RCSD1: variants seen among roughly 807,000 people sequenced by gnomAD.
RCSD1 encodes RCSD domain containing 1.
In RCSD1, 26 loss-of-function variants were observed where a neutral mutation model predicts 42.5. The ratio of observed to expected loss-of-function variants is 0.61; its 90% CI spans 0.45 to 0.85. The LOEUF (loss-of-function observed/expected upper bound fraction) is 0.85, where lower values mean the gene tolerates loss of function less well. Ranked by LOEUF, RCSD1 falls within the 40% of genes least tolerant of loss-of-function variation. The probability of loss-of-function intolerance (pLI) is 0.00; values close to 1 mark genes in which losing one functional copy is unlikely to be tolerated. For missense variants in RCSD1, 571 were observed against 528.3 expected (o/e 1.08, Z -0.79); for synonymous variants, 220 against 212.2 (o/e 1.04, Z -0.32).
rs374085828 is a variant in RCSD1, at chr1:167,685,427, G to T, written c.115G>T (p.Ala39Ser). 1 of 1,613,366 alleles carries T rather than the reference G, an allele frequency of 6.2e-7. No homozygotes were observed. The highest frequency in any genetic ancestry group is 1.7e-5 in the Admixed American group (1 of 59,932). ...TCTGTCGCCCTCCCTCCAGACACCA[G>T]CCAGTAAACCAACCCGAAGGAAACC... ...EQAAAAKETPASKPTRRKPPC... is the reference protein window; with the variant it reads ...EQAAAAKETPSSKPTRRKPPC... The change falls in exon 3 of 7, where the codon GCC (alanine) becomes TCC (serine). Residue 39 changes from alanine to serine, a missense_variant. By Grantham distance (99) the Ala-to-Ser change is moderately conservative. Coordinates refer to ENST00000367854, the MANE Select transcript of RCSD1 (RefSeq NM_052862.4).
rs1659737642 is a variant in RCSD1, at chr1:167,705,530, C to T, written c.*834C>T. On this transcript the variant is annotated 3_prime_UTR_variant, in exon 7 of 7. Coordinates refer to ENST00000367854, the MANE Select transcript of RCSD1 (RefSeq NM_052862.4). ...TCCTCCTGAAAGAAAAGCAGTGATA[C>T]CTGAATAATGCTGGCTCTCCGATTG... is the stretch of plus-strand genomic sequence containing the variant. The T allele has an allele frequency of 6.6e-6, 1 of 152,176 alleles. No individual in the cohort carries two copies. The highest frequency in any genetic ancestry group is 1.5e-5 in the Non-Finnish European group (1 of 68,034). 9.4% of individuals were successfully genotyped at this position (152,176 alleles called of 1,614,324 possible).
intron 1 of RCSD1, among the ~76,000 whole-genome samples, chr1:167,645,973 C>T (rs1202032989): frequency 6.6e-6 from 1 of 152,032 alleles, no homozygotes; most frequent in Non-Finnish European, 1.5e-5. Flanking sequence ...GCCGAAATAC[C>T]AGTTGAGAGG....
chr1:167,657,348 C>T (rs552812110), intron 1 of RCSD1, among the ~76,000 whole-genome samples: 29 of 152,266 alleles, frequency 1.9e-4, no homozygotes, highest in African/African-American at 7.0e-4. Context: ...TTCTTTTGTC[C>T]TGTGATTTGG....
intron 1 of RCSD1, among the ~76,000 whole-genome samples, chr1:167,647,767 AC>A (rs1658198279): frequency 6.6e-6 from 1 of 152,102 alleles, no homozygotes; most frequent in Non-Finnish European, 1.5e-5. Context: ...CGATAAGACC[AC>A]AACCAATAAA....
chr1:167,661,406 A>G (rs1002233021), intron 1 of RCSD1, among the ~76,000 whole-genome samples: 6 of 152,222 alleles, frequency 3.9e-5, no homozygotes, highest in African/African-American at 1.4e-4. Flanking sequence ...CTGATCGCAG[A>G]CAGACAAGCA....
intron 1 of RCSD1, among the ~76,000 whole-genome samples, chr1:167,660,580 G>GCCTCTTGAATA (rs1030498973): frequency 1.3e-5 from 2 of 151,872 alleles, no homozygotes; most frequent in African/African-American, 2.4e-5. Context: ...TCCCACCTCA[G>GCCTCTTGAATA]CCTCTTGAAT....
At chr1:167,656,750 G>A (rs141140427) in intron 1 of RCSD1, among the ~76,000 whole-genome samples, 1 of 152,324 alleles carries the variant, frequency 6.6e-6, no homozygotes, top group East Asian at 1.9e-4. Flanking sequence ...CTAAATGATG[G>A]GAGAGGGAGG....
At chr1:167,660,389 TAAC>T (rs1457337535) in intron 1 of RCSD1, among the ~76,000 whole-genome samples, 2 of 152,104 alleles carry the variant, frequency 1.3e-5, no homozygotes, top group African/African-American at 4.8e-5. Flanking sequence ...CAGCCACACT[TAAC>T]AACCTGTGCT....
chr1:167,664,464 A>T (rs1454605951), intron 1 of RCSD1: 2 of 152,288 alleles, frequency 1.3e-5, no homozygotes, highest in Non-Finnish European at 2.9e-5. Context: ...AACTATCATG[A>T]GCACTTTAAA....
At chr1:167,674,318 G>C (rs1479517388) in intron 1 of RCSD1, among the ~76,000 whole-genome samples, 4 of 152,224 alleles carry the variant, frequency 2.6e-5, no homozygotes, top group Non-Finnish European at 5.9e-5. Context: ...TGGAGGCAGG[G>C]AAGGGCTGAG....
At chr1:167,699,980 A>G (rs1156299468) in intron 6 of RCSD1, among the ~76,000 whole-genome samples, 1 of 152,220 alleles carries the variant, frequency 6.6e-6, no homozygotes, top group East Asian at 1.9e-4. Flanking sequence ...TACTTTTATC[A>G]TAGAACACAT....
Position 167,645,141 on chromosome 1 carries a change from A to G in RCSD1, c.6+14712A>G, listed in dbSNP as rs1042812517. Among the ~76,000 whole-genome samples the G allele has an allele frequency of 3.3e-5, 5 of 152,220 alleles. No individual in the cohort carries two copies. In the East Asian group the frequency reaches 9.6e-4, roughly 29 times the overall value. On this transcript the variant is annotated intron_variant, in intron 1 of 6. Transcript: ENST00000367854. ...AGATGACCCACAGCTGGGATAGTTA[A>G]TATGCTACGTGACATATTCAAGTTC...
intron 1 of RCSD1, 92 bp from the exon 2 acceptor site, chr1:167,683,808 C>T: frequency 8.4e-7 from 1 of 1,191,478 alleles, no homozygotes; most frequent in Non-Finnish European, 1.2e-6. Context: ...CTCACTGTCA[C>T]AGCATTCCTG....
chr1:167,648,936 G>A (rs1409322006), intron 1 of RCSD1, among the ~76,000 whole-genome samples: 1 of 152,182 alleles, frequency 6.6e-6, no homozygotes, highest in African/African-American at 2.4e-5. Context: ...TCTGTGCTGG[G>A]AATTCTGGAC....
At chr1:167,673,880 G>C (rs1422638058) in intron 1 of RCSD1, among the ~76,000 whole-genome samples, 1 of 152,124 alleles carries the variant, frequency 6.6e-6, no homozygotes, top group African/African-American at 2.4e-5. Context: ...TGTCCTTCAA[G>C]ACTCTGCGTA....
Position 167,696,759 on chromosome 1 carries a change from T to C in RCSD1, c.475-340T>C, listed in dbSNP as rs192970728. Among the ~76,000 whole-genome samples, 840 of 152,320 alleles carry C rather than the reference T, an allele frequency of 5.5e-3. 7 individuals are homozygous for C. The highest frequency in any genetic ancestry group is 0.019 in the African/African-American group (798 of 41,570). On this transcript the variant is annotated intron_variant, in intron 5 of 6. Coordinates refer to ENST00000367854, the MANE Select transcript of RCSD1 (RefSeq NM_052862.4). ...GAGCCACCATGCCCGGCAAGAATTT[T>C]TTTTTAAGTGTCAGAATAAAATTAC... is the stretch of plus-strand genomic sequence containing the variant.
intron 3 of RCSD1, among the ~76,000 whole-genome samples, chr1:167,687,040 G>A (rs988243852): frequency 6.6e-6 from 1 of 152,176 alleles, no homozygotes; most frequent in African/African-American, 2.4e-5. Flanking sequence ...GCTCCATCCT[G>A]GCAGCTCTGT....
At chr1:167,682,330 C>T (rs562747479) in intron 1 of RCSD1, among the ~76,000 whole-genome samples, 143 of 152,182 alleles carry the variant, frequency 9.4e-4, no homozygotes, top group African/African-American at 3.3e-3. Context: ...CCACCACACC[C>T]GGCTAATTTT....
intron 1 of RCSD1, among the ~76,000 whole-genome samples, chr1:167,652,504 G>A (rs1658336540): frequency 6.6e-6 from 1 of 152,200 alleles, no homozygotes; most frequent in African/African-American, 2.4e-5. Flanking sequence ...CTGGAAACAG[G>A]CCTGCTGCTC....
Sources: gnomAD v4.1 joint callset for allele counts (sites outside exome capture counted in the v4.1 genomes callset) on GRCh38, gnomAD v4.1.1 for gene constraint, MANE v1.5 for transcripts, NCBI Gene and HGNC (gene_info 2026-07-23, HGNC 2026-07-21) for gene names.